FOXRED1: variants seen among roughly 807,000 people sequenced by gnomAD.
FOXRED1 encodes the protein FAD dependent oxidoreductase domain containing 1, also known as FAD-dependent oxidoreductase domain-containing protein 1.
FOXRED1 carries 52 observed loss-of-function variants against 57.8 expected under a neutral mutation model. The observed-to-expected ratio is 0.90, with a 90% CI of 0.72 to 1.13. The LOEUF (loss-of-function observed/expected upper bound fraction) is 1.13, where lower values mean the gene tolerates loss of function less well. Ranked by LOEUF, FOXRED1 falls within the 50% of genes most tolerant of loss-of-function variation. The pLI is 0.00. For missense variants in FOXRED1, 589 were observed against 625.2 expected (o/e 0.94, Z 0.62); for synonymous variants, 271 against 248.3 (o/e 1.09, Z -0.86).
rs1057522293 is a variant in FOXRED1, at chr11:126,277,632, C to T, written c.1404C>T (p.Pro468=). The change falls in exon 11 of 11, where the codon CCC becomes CCT. Residue 468 remains proline, a synonymous_variant. Coordinates refer to ENST00000263578, the MANE Select transcript of FOXRED1 (RefSeq NM_017547.4). The surrounding 1 kb of genome is among the most constrained non-coding windows in gnomAD (Gnocchi z 6.8). ...GGTTCCAGACCATCGACCTGAGCCC[C>T]TTCCTCTTTACCCGCTTTTACTTGG... ...KGRFQTIDLS[P]FLFTRFYLGE... 6.2e-7 allele frequency: 1 copy of T among 1,613,828 alleles called. No individual in the cohort carries two copies. Among genetic ancestry groups the T allele is most frequent in the Non-Finnish European group, 8.5e-7 (1 of 1,179,994 alleles).
intron 9 of FOXRED1, 43 bp downstream of exon 9, chr11:126,276,566 A>G (rs1565357155): frequency 2.5e-6 from 4 of 1,590,192 alleles, no homozygotes; most frequent in South Asian, 1.1e-5. Flanking sequence ...GAGACATAGA[A>G]TAATTGTCAC....
At position 126,274,646 on chromosome 11, in the gene FOXRED1, A is replaced by G. The variant is rs1007768004; in HGVS notation, c.537-281A>G. 2 of 165,178 alleles carry G rather than the reference A, an allele frequency of 1.2e-5. No individual in the cohort carries two copies. The highest frequency in any genetic ancestry group is 6.4e-5 in the Admixed American group (1 of 15,624). The allele number at this position is 165,178 out of a possible 1,614,324, so 10.2% of individuals were successfully genotyped here. A position where few individuals can be genotyped will look rare whatever the true frequency, so the allele number is the denominator to read the frequency against. ...CTGGGTGACAGAGCCAGACTCATTGAAAAAAAAAAAAAGAAGTCATGGAAT... is the reference window on the plus strand; with the variant it reads ...CTGGGTGACAGAGCCAGACTCATTGGAAAAAAAAAAAAGAAGTCATGGAAT... On this transcript the variant is annotated intron_variant, in intron 4 of 10. Transcript: ENST00000263578. The surrounding 1 kb of genome is among the most constrained non-coding windows in gnomAD (Gnocchi z 4.8).
At position 126,273,501 on chromosome 11, in the gene FOXRED1, T is replaced by C. The variant is rs779847213; in HGVS notation, c.536+47T>C. The C allele has an allele frequency of 1.6e-6, 2 of 1,253,030 alleles. No homozygotes were observed. Among genetic ancestry groups the C allele is most frequent in the Admixed American group, 3.4e-5 (2 of 59,608 alleles). 77.6% of individuals were successfully genotyped at this position (1,253,030 alleles called of 1,614,324 possible). On this transcript the variant is annotated intron_variant, in intron 4 of 10. Transcript: ENST00000263578. The surrounding 1 kb of genome is among the most constrained non-coding windows in gnomAD (Gnocchi z 5.9). ...TTAGCTGCTTGGCAGCCAAAGGTGT[T>C]GGGTGACTCCTGCACCAGGTTAGGA...
chr11:126,274,840 C>T lies in FOXRED1; in HGVS notation c.537-87C>T. ...GAAGTGACATGACTGAGCTGGACTC[C>T]CCACTTGTGGAGTTGGGGTCCATAC... On this transcript the variant is annotated intron_variant, in intron 4 of 10. Transcript: ENST00000263578. The surrounding 1 kb of genome is among the most constrained non-coding windows in gnomAD (Gnocchi z 4.8). The T allele has an allele frequency of 2.4e-6, 2 of 834,234 alleles. No homozygotes were observed. The highest frequency in any genetic ancestry group is 4.3e-6 in the Non-Finnish European group (2 of 468,130). 51.7% of individuals were successfully genotyped at this position (834,234 alleles called of 1,614,324 possible).
At chr11:126,270,201 G>A (rs1157843402) in intron 1 of FOXRED1, among the ~76,000 whole-genome samples, 2 of 152,194 alleles carry the variant, frequency 1.3e-5, no homozygotes, top group Non-Finnish European at 2.9e-5. Context: ...ACTGGCAAAA[G>A]CCATCTAGAT....
rs553201412 is a variant in FOXRED1 at position 126,275,334 on chromosome 11, G to A, written c.639G>A (p.Glu213=). The A allele has an allele frequency of 2.2e-5, 35 of 1,611,126 alleles. 1 individual carries two copies. The South Asian group carries it at 3.7e-4, about 17-fold the overall frequency. Residue 213 remains glutamate, a synonymous_variant, in exon 6 of 11, where the codon GAG becomes GAA. Transcript: ENST00000263578. This position sits in a 1 kb window ranked among gnomAD's most constrained non-coding sequence, Gnocchi z 5.9. ...CTCTTTTTCTTATCACAGGGATGGA[G>A]GACGAAGGTTGGTTTGACCCCTGGT... ...EGVALASYGM[E]DEGWFDPWCL... is the part of the protein sequence containing the mutation.
At position 126,275,425 on chromosome 11, in the gene FOXRED1, A is replaced by G; in HGVS notation, c.730A>G (p.Thr244Ala). The G allele has an allele frequency of 6.2e-7, 1 of 1,605,234 alleles. No individual in the cohort carries two copies. Among genetic ancestry groups the G allele is most frequent in the Non-Finnish European group, 8.5e-7 (1 of 1,171,924 alleles). The change falls in exon 6 of 11, where the codon ACA (threonine) becomes GCA (alanine). Residue 244 changes from threonine (T) to alanine (A), a missense_variant. By Grantham distance (58) the Thr-to-Ala change is moderately conservative. Transcript: ENST00000263578. This position sits in a 1 kb window ranked among gnomAD's most constrained non-coding sequence, Gnocchi z 5.9. ...LGVLFCQGEV[T>A]RFVSSSQRML... is the part of the protein sequence containing the mutation. ...AGTCCTTTTCTGCCAGGGAGAGGTG[A>G]CACGTGAGTCTGAGCTTGTTTCCTC...
At position 126,274,619 on chromosome 11, in the gene FOXRED1, G is replaced by C. The variant is rs1309232884; in HGVS notation, c.537-308G>C. On this transcript the variant is annotated intron_variant, in intron 4 of 10. Transcript: ENST00000263578. The surrounding 1 kb of genome is among the most constrained non-coding windows in gnomAD (Gnocchi z 4.8). Reference sequence around the variant, plus strand: ...GCCAAGATCGCGCCACTGCACTCCAGCCTGGGTGACAGAGCCAGACTCATT... The same window carrying C: ...GCCAAGATCGCGCCACTGCACTCCACCCTGGGTGACAGAGCCAGACTCATT... 1 of 368,364 alleles carries C rather than the reference G, an allele frequency of 2.7e-6. No homozygotes were observed. The highest frequency in any genetic ancestry group is 2.1e-5 in the African/African-American group (1 of 47,182). The allele number at this position is 368,364 out of a possible 1,614,324, so 22.8% of individuals were successfully genotyped here.
At position 126,277,752 on chromosome 11, in the gene FOXRED1, C is replaced by T. The variant is rs1370994351; in HGVS notation, c.*63C>T. 3 of 1,552,744 alleles carry T rather than the reference C, an allele frequency of 1.9e-6. No homozygotes were observed. Among genetic ancestry groups the T allele is most frequent in the Non-Finnish European group, 1.8e-6 (2 of 1,126,350 alleles). On this transcript the variant is annotated 3_prime_UTR_variant, in exon 11 of 11. Transcript: ENST00000263578. The surrounding 1 kb of genome is among the most constrained non-coding windows in gnomAD (Gnocchi z 6.8). ...CTGGCTGTGTTCACAGCCTTGTTTG[C>T]TGCTTCCATCTTCCCCAGTACTGTG...
Position 126,273,040 on chromosome 11 carries a change from G to GCT in FOXRED1, c.382_383dup (p.Leu129ProfsTer17). 6.2e-7 allele frequency: 1 copy of GCT among 1,605,640 alleles called. No individual in the cohort carries two copies. The highest frequency in any genetic ancestry group is 8.5e-7 in the Non-Finnish European group (1 of 1,172,216). On this transcript the variant is annotated frameshift_variant, in exon 3 of 11. Transcript: ENST00000263578. LOFTEE classifies it high-confidence loss of function. This position sits in a 1 kb window ranked among gnomAD's most constrained non-coding sequence, Gnocchi z 5.9. The stretch of plus-strand genomic sequence containing the variant: ...AGTTCTCATTGCCTGAGAACATCCA[G>GCT]CTCTCCCTCTTTTCAGCCAGCTTTC...
Position 126,270,320 on chromosome 11 carries a change from C to T in FOXRED1, c.85+1029C>T, listed in dbSNP as rs956098252. Among the ~76,000 whole-genome samples, 5 of 152,238 alleles carry T rather than the reference C, an allele frequency of 3.3e-5. No individual in the cohort carries two copies. The South Asian group carries it at 1.0e-3, about 32-fold the overall frequency. Reference sequence around the variant, plus strand: ...AGAGTTTGAGTGAGGTATGAAATGGCAAAAGGATTCATTTATTTAAGATAC... The same window carrying T: ...AGAGTTTGAGTGAGGTATGAAATGGTAAAAGGATTCATTTATTTAAGATAC... On this transcript the variant is annotated intron_variant, in intron 1 of 10. Coordinates refer to ENST00000263578, the MANE Select transcript of FOXRED1 (RefSeq NM_017547.4).
At chr11:126,276,560 C>CA in intron 9 of FOXRED1, 37 bp downstream of exon 9, 1 of 1,593,262 alleles carries the variant, frequency 6.3e-7, no homozygotes, top group Non-Finnish European at 8.6e-7. Flanking sequence ...GGCAAGGAGA[C>CA]ATAGAATAAT....
At position 126,274,702 on chromosome 11, in the gene FOXRED1, G is replaced by A. The variant is rs1951083029; in HGVS notation, c.537-225G>A. On this transcript the variant is annotated intron_variant, in intron 4 of 10. Transcript: ENST00000263578. This position sits in a 1 kb window ranked among gnomAD's most constrained non-coding sequence, Gnocchi z 4.8. ...GGGATAGCAGGGAGCTCTGTGTGCTGAAGGGAGACAAGGGAGTAGGGAAGG... is the reference window on the plus strand; with the variant it reads ...GGGATAGCAGGGAGCTCTGTGTGCTAAAGGGAGACAAGGGAGTAGGGAAGG... 1.7e-6 allele frequency: 1 copy of A among 583,572 alleles called. No homozygotes were observed. Among genetic ancestry groups the A allele is most frequent in the East Asian group, 3.1e-5 (1 of 31,988 alleles). 36.1% of individuals were successfully genotyped at this position (583,572 alleles called of 1,614,324 possible).
At position 126,271,955 on chromosome 11, in the gene FOXRED1, A is replaced by G. The variant is rs1397138588; in HGVS notation, c.306+298A>G. The G allele has an allele frequency of 1.4e-5, 5 of 347,292 alleles. No homozygotes were observed. The highest frequency in any genetic ancestry group is 2.2e-5 in the Non-Finnish European group (4 of 182,998). 21.5% of individuals were successfully genotyped at this position (347,292 alleles called of 1,614,324 possible). Reference sequence around the variant, plus strand: ...ATTCAAGCTATAATTAAGTGTCTCAATTTTCTCTTTTTTTTTTTTTTTTTG... The same window carrying G: ...ATTCAAGCTATAATTAAGTGTCTCAGTTTTCTCTTTTTTTTTTTTTTTTTG... On this transcript the variant is annotated intron_variant, in intron 2 of 10. Coordinates refer to ENST00000263578, the MANE Select transcript of FOXRED1 (RefSeq NM_017547.4). The surrounding 1 kb of genome is among the most constrained non-coding windows in gnomAD (Gnocchi z 5.3).
At position 126,271,625 on chromosome 11, in the gene FOXRED1, A is replaced by G; in HGVS notation, c.274A>G (p.Ile92Val). 1 of 1,614,024 alleles carries G rather than the reference A, an allele frequency of 6.2e-7. No individual in the cohort carries two copies. The highest frequency in any genetic ancestry group is 8.5e-7 in the Non-Finnish European group (1 of 1,180,000). ...GAAGCTGGAGAGCAGACGAGGTGCT[A>G]TTCGAGTGCTAGTGGTGGAACGGGA... is the stretch of plus-strand genomic sequence containing the variant. ...LKKLESRRGA[I>V]RVLVVERDHT... The change falls in exon 2 of 11, where the codon ATT (isoleucine) becomes GTT (valine). Residue 92 changes from isoleucine (I) to valine (V), a missense_variant. Transcript: ENST00000263578. The surrounding 1 kb of genome is among the most constrained non-coding windows in gnomAD (Gnocchi z 5.3).
Position 126,277,014 on chromosome 11 carries a change from C to A in FOXRED1, c.1102-57C>A. 1 of 1,074,700 alleles carries A rather than the reference C, an allele frequency of 9.3e-7. No homozygotes were observed. Among genetic ancestry groups the A allele is most frequent in the South Asian group, 1.2e-5 (1 of 80,296 alleles). 66.6% of individuals were successfully genotyped at this position (1,074,700 alleles called of 1,614,324 possible). A position where few individuals can be genotyped will look rare whatever the true frequency, so the allele number is the denominator to read the frequency against. On this transcript the variant is annotated intron_variant, in intron 9 of 10. Transcript: ENST00000263578. This position sits in a 1 kb window ranked among gnomAD's most constrained non-coding sequence, Gnocchi z 6.8. The stretch of plus-strand genomic sequence containing the variant: ...CCTGCACAGGGATTGTTAAACAAGT[C>A]TGGGCCTGTCCTTGTGTCCCAGGCA...
chr11:126,272,987 G>C lies in FOXRED1; in HGVS notation c.325G>C (p.Gly109Arg). 6.3e-7 allele frequency: 1 copy of C among 1,588,516 alleles called. No individual in the cohort carries two copies. Among genetic ancestry groups the C allele is most frequent in the Non-Finnish European group, 8.6e-7 (1 of 1,156,536 alleles). ...TCCACAGTATTCACAGGCCTCCACT[G>C]GGCTCTCAGTAGGTGGGATTTGTCA... ...RDHTYSQAST[G>R]LSVGGICQQF... Residue 109 changes from glycine to arginine, a missense_variant, in exon 3 of 11, where the codon GGG (glycine) becomes CGG (arginine). Transcript: ENST00000263578. This position sits in a 1 kb window ranked among gnomAD's most constrained non-coding sequence, Gnocchi z 4.6.
chr11:126,277,418 G>A lies in FOXRED1; in HGVS notation c.1207-17G>A. The A allele has an allele frequency of 6.2e-7, 1 of 1,612,804 alleles. No individual in the cohort carries two copies. The highest frequency in any genetic ancestry group is 1.1e-5 in the South Asian group (1 of 91,070). On this transcript the variant is annotated splice_polypyrimidine_tract_variant and intron_variant, in intron 10 of 10. Coordinates refer to ENST00000263578, the MANE Select transcript of FOXRED1 (RefSeq NM_017547.4). This position sits in a 1 kb window ranked among gnomAD's most constrained non-coding sequence, Gnocchi z 6.8. ...CTACAGCCTTCCCGAGAACCCCAGT[G>A]TTTTGTGCACCCGCAGGTTCAGAGC...
Position 126,271,958 on chromosome 11 carries a change from TTC to T in FOXRED1, c.306+305_306+306del, listed in dbSNP as rs1950999494. 1 of 367,826 alleles carries T rather than the reference TTC, an allele frequency of 2.7e-6. No individual in the cohort carries two copies. The highest frequency in any genetic ancestry group is 5.2e-6 in the Non-Finnish European group (1 of 192,086). 22.8% of individuals were successfully genotyped at this position (367,826 alleles called of 1,614,324 possible). On this transcript the variant is annotated intron_variant, in intron 2 of 10. Transcript: ENST00000263578. This position sits in a 1 kb window ranked among gnomAD's most constrained non-coding sequence, Gnocchi z 5.3. ...CAAGCTATAATTAAGTGTCTCAATT[TTC>T]TCTTTTTTTTTTTTTTTTTGAGACA...
Sources: gnomAD v4.1 joint callset for allele counts (sites outside exome capture counted in the v4.1 genomes callset) on GRCh38, gnomAD v4.1.1 for gene constraint, Gnocchi (gnomAD v3.1) non-coding constraint, MANE v1.5 for transcripts, NCBI Gene and HGNC (gene_info 2026-07-23, HGNC 2026-07-21) for gene names.